Variants in GMPR observed in about 807,000 individuals in gnomAD.
The protein encoded by GMPR is GMP reductase 1.
Under a neutral mutation model 38.4 loss-of-function variants are expected in GMPR, and 31 were observed. The observed-to-expected ratio is 0.81, with a 90% CI of 0.61 to 1.09. GMPR has a LOEUF of 1.09. Ranked by LOEUF, GMPR falls within the 50% of genes least tolerant of loss-of-function variation. GMPR has a pLI of 0.00. For missense variants in GMPR, 468 were observed against 453.7 expected (o/e 1.03, Z -0.29); for synonymous variants, 162 against 173.3 (o/e 0.93, Z 0.51).
intron 5 of GMPR, among the ~76,000 whole-genome samples, chr6:16,278,170 G>A (rs1759510824): frequency 6.6e-6 from 1 of 152,114 alleles, no homozygotes; most frequent in Non-Finnish European, 1.5e-5. Context: ...GCTGGGCCCT[G>A]TGGAGCACAG....
chr6:16,243,941 G>A (rs562979671), intron 1 of GMPR, among the ~76,000 whole-genome samples: 1 of 152,290 alleles, frequency 6.6e-6, no homozygotes, highest in South Asian at 2.1e-4. Context: ...AAAAGTACGT[G>A]GGTATGCACA....
intron 5 of GMPR, among the ~76,000 whole-genome samples, chr6:16,276,146 A>G (rs960413845): frequency 2.6e-5 from 4 of 152,080 alleles, no homozygotes; most frequent in African/African-American, 9.7e-5. Flanking sequence ...CAGGATGTGA[A>G]GGTGTGTGAG....
chr6:16,267,615 T>G (rs1759284613), intron 4 of GMPR, among the ~76,000 whole-genome samples: 1 of 151,910 alleles, frequency 6.6e-6, no homozygotes. Context: ...CGCCATCTTT[T>G]AAGAATTGTA....
At chr6:16,272,022 C>T (rs1049622811) in intron 4 of GMPR, among the ~76,000 whole-genome samples, 1 of 152,092 alleles carries the variant, frequency 6.6e-6, no homozygotes, top group African/African-American at 2.4e-5. Context: ...ACCAGCCTGG[C>T]CAACTTGGTG....
intron 1 of GMPR, 45 bp downstream of exon 1, chr6:16,238,825 C>G: frequency 9.0e-7 from 1 of 1,115,982 alleles, no homozygotes. Context: ...TTTTTTTTTC[C>G]GGGTGGCGCG....
chr6:16,254,572 T>G lies in GMPR; in HGVS notation c.302T>G (p.Val101Gly). The G allele has an allele frequency of 6.2e-7, 1 of 1,613,712 alleles. No homozygotes were observed. The highest frequency in any genetic ancestry group is 8.5e-7 in the Non-Finnish European group (1 of 1,179,644). ...TTTATTTTGGTGCAGAATGTAGCCG[T>G]GAGTTCAGGCAGTGGGCAGAATGAT... ...NHPECLQNVA[V>G]SSGSGQNDLE... Residue 101 changes from valine (V) to glycine (G), a missense_variant, in exon 4 of 9, where the codon GTG becomes GGG. Physicochemically the swap from Val to Gly is moderately radical, Grantham distance 109. Transcript: ENST00000259727.
intron 4 of GMPR, chr6:16,264,360 A>C (rs1172285667): frequency 7.9e-6 from 2 of 251,974 alleles, no homozygotes; most frequent in African/African-American, 4.7e-5. Context: ...AATTGGTGAG[A>C]TGTTTCTTGG....
intron 4 of GMPR, among the ~76,000 whole-genome samples, chr6:16,273,326 T>C (rs548246849): frequency 6.6e-6 from 1 of 152,356 alleles, no homozygotes; most frequent in African/African-American, 2.4e-5. Context: ...AAAATATGAC[T>C]TTGCACAGTT....
intron 4 of GMPR, among the ~76,000 whole-genome samples, chr6:16,261,560 C>A (rs1759086071): frequency 1.3e-5 from 2 of 151,802 alleles, no homozygotes; most frequent in African/African-American, 4.8e-5. Flanking sequence ...GGTGGATAGG[C>A]AAAACAATTT....
intron 4 of GMPR, among the ~76,000 whole-genome samples, chr6:16,268,715 A>C (rs1759320183): frequency 6.6e-6 from 1 of 152,134 alleles, no homozygotes; most frequent in Non-Finnish European, 1.5e-5. Context: ...CCCCAGAAAA[A>C]CCAGTAAAAA....
At chr6:16,249,250 G>A (rs894565257) in intron 2 of GMPR, among the ~76,000 whole-genome samples, 4 of 136,784 alleles carry the variant, frequency 2.9e-5, no homozygotes, top group South Asian at 4.8e-4. Flanking sequence ...TTGGCTCACC[G>A]CAACCTCCAT....
chr6:16,266,281 A>G (rs1003903767), intron 4 of GMPR, among the ~76,000 whole-genome samples: 11 of 151,490 alleles, frequency 7.3e-5, no homozygotes, highest in Admixed American at 6.6e-5. Flanking sequence ...CTGAGGCTTC[A>G]TTCCTGAAGT....
Position 16,295,050 on chromosome 6 carries a change from T to C in GMPR, c.902T>C (p.Val301Ala). 1 of 1,608,918 alleles carries C rather than the reference T, an allele frequency of 6.2e-7. No homozygotes were observed. Among genetic ancestry groups the C allele is most frequent in the Non-Finnish European group, 8.5e-7 (1 of 1,177,936 alleles). The change falls in exon 9 of 9, where the codon GTG (valine) becomes GCG (alanine). Residue 301 changes from valine (V) to alanine (A), a missense_variant. Transcript: ENST00000259727. ...GTGGAAGTTCCTTACAAAGGAGATG[T>C]GGAAAACACTATCCTGGATATTCTC... is the stretch of plus-strand genomic sequence containing the variant. ...KTVEVPYKGD[V>A]ENTILDILGG...
At chr6:16,285,472 G>A (rs1175727469) in intron 6 of GMPR, among the ~76,000 whole-genome samples, 1 of 152,244 alleles carries the variant, frequency 6.6e-6, no homozygotes, top group East Asian at 1.9e-4. Context: ...TGAGGGCTGA[G>A]CCCCTCTGCC....
intron 3 of GMPR, among the ~76,000 whole-genome samples, chr6:16,250,646 C>G (rs564884434): frequency 6.6e-6 from 1 of 152,288 alleles, no homozygotes; most frequent in South Asian, 2.1e-4. Context: ...CCAGGTAATT[C>G]AAGGTAGATC....
In GMPR at chr6:16,238,833, G is replaced by A. The variant is rs576467698; in HGVS notation, c.87+53G>A. On this transcript the variant is annotated intron_variant, in intron 1 of 8. Coordinates refer to ENST00000259727, the MANE Select transcript of GMPR (RefSeq NM_006877.4). Reference sequence around the variant, plus strand: ...GGTGGGATTTTTTTTTCCGGGTGGCGCGGGGCAAGTGGGTGGAAGGGGGTG... The same window carrying A: ...GGTGGGATTTTTTTTTCCGGGTGGCACGGGGCAAGTGGGTGGAAGGGGGTG... 8 of 1,043,160 alleles carry A rather than the reference G, an allele frequency of 7.7e-6. No homozygotes were observed. In the South Asian group the frequency reaches 8.8e-5, roughly 11 times the overall value. 64.6% of individuals were successfully genotyped at this position (1,043,160 alleles called of 1,614,324 possible). A position where few individuals can be genotyped will look rare whatever the true frequency, so the allele number is the denominator to read the frequency against.
At chr6:16,288,351 G>A (rs1474540825) in intron 7 of GMPR, among the ~76,000 whole-genome samples, 2 of 152,282 alleles carry the variant, frequency 1.3e-5, no homozygotes, top group East Asian at 3.9e-4. Context: ...CACTCGGAGC[G>A]GCCGGCTGGC....
At chr6:16,286,934 T>G (rs1759694197) in intron 7 of GMPR, among the ~76,000 whole-genome samples, 1 of 151,962 alleles carries the variant, frequency 6.6e-6, no homozygotes, top group Non-Finnish European at 1.5e-5. Flanking sequence ...AATTAAAAAA[T>G]AAATGGTCAG....
intron 4 of GMPR, chr6:16,262,737 G>T (rs1375214242): frequency 6.6e-6 from 1 of 152,018 alleles, no homozygotes. Flanking sequence ...AACTTTTAGG[G>T]TCTAGGGCTG....
Sources: gnomAD v4.1 joint callset for allele counts (sites outside exome capture counted in the v4.1 genomes callset) on GRCh38, gnomAD v4.1.1 for gene constraint, MANE v1.5 for transcripts, NCBI Gene and HGNC (gene_info 2026-07-23, HGNC 2026-07-21) for gene names.